TPH2: variants seen among roughly 807,000 people sequenced by gnomAD.
TPH2 encodes tryptophan 5-hydroxylase 2.
In TPH2, 27 loss-of-function variants were observed where a neutral mutation model predicts 59.1. The observed-to-expected ratio is 0.46, with a 90% confidence interval of 0.34 to 0.63. TPH2 has a LOEUF of 0.63. TPH2 is among the 30% of genes least tolerant of loss of function. TPH2 has a pLI of 0.01. For missense variants in TPH2, 523 were observed against 588.3 expected, an observed-to-expected ratio of 0.89 and a Z score of 1.15; for synonymous variants, 220 against 210.5, an observed-to-expected ratio of 1.05 and a Z score of -0.39.
At chr12:71,966,832 A>C (rs530203341) in intron 5 of TPH2, among the ~76,000 whole-genome samples, 1 of 152,260 alleles carries the variant, frequency 6.6e-6, no homozygotes, top group South Asian at 2.1e-4. Context: ...GCTTCCCCAC[A>C]CTGAAGTTCT....
At chr12:71,996,226 A>G (rs1358666404) in intron 8 of TPH2, among the ~76,000 whole-genome samples, 1 of 152,194 alleles carries the variant, frequency 6.6e-6, no homozygotes, top group African/African-American at 2.4e-5. Context: ...TAAGCTACTT[A>G]TGACATAGCC....
In TPH2 at chr12:72,020,186, T is replaced by C. The variant is rs908028836; in HGVS notation, c.1069-2213T>C. 3.3e-5 allele frequency among the ~76,000 whole-genome samples: 5 copies of C among 152,274 alleles called. No homozygotes were observed. The East Asian group carries it at 5.8e-4, about 18-fold the overall frequency. On this transcript the variant is annotated intron_variant, in intron 8 of 10. Coordinates refer to ENST00000333850, the MANE Select transcript of TPH2 (RefSeq NM_173353.4). ...GGGAGTGCTACTGGCACCTAGTTAGTAGAGGCTAGAGATGCTGCTAAACAT... is the reference window on the plus strand; with the variant it reads ...GGGAGTGCTACTGGCACCTAGTTAGCAGAGGCTAGAGATGCTGCTAAACAT...
At chr12:71,990,328 G>T (rs969752526) in intron 7 of TPH2, among the ~76,000 whole-genome samples, 1 of 152,152 alleles carries the variant, frequency 6.6e-6, no homozygotes, top group Non-Finnish European at 1.5e-5. Flanking sequence ...CAGCGCAGTG[G>T]CATTTGCACT....
At position 71,944,311 on chromosome 12, in the gene TPH2, G is replaced by C; in HGVS notation, c.273G>C (p.Met91Ile). 6.2e-7 allele frequency: 1 copy of C among 1,613,770 alleles called. No individual in the cohort carries two copies. Among genetic ancestry groups the C allele is most frequent in the Admixed American group, 1.7e-5 (1 of 59,968 alleles). Reference protein sequence around the residue: ...LRLFQEKRVNMVHIESRKSRR... With the variant: ...LRLFQEKRVNIVHIESRKSRR... Reference sequence around the variant, plus strand: ...TTCCACAGGAAAAACGTGTCAACATGGTTCATATTGAATCCAGGAAATCTC... The same window carrying C: ...TTCCACAGGAAAAACGTGTCAACATCGTTCATATTGAATCCAGGAAATCTC... Residue 91 changes from methionine (M) to isoleucine (I), a missense_variant, in exon 3 of 11, where the codon ATG becomes ATC. Transcript: ENST00000333850.
chr12:71,965,166 T>C (rs901423832), intron 5 of TPH2: 2 of 152,236 alleles, frequency 1.3e-5, no homozygotes, highest in African/African-American at 4.8e-5. Flanking sequence ...GTACCACATT[T>C]TTCTCATGCA....
intron 7 of TPH2, among the ~76,000 whole-genome samples, chr12:71,981,520 G>C (rs1445471772): frequency 6.6e-6 from 1 of 152,146 alleles, no homozygotes; most frequent in Non-Finnish European, 1.5e-5. Context: ...GATGAGGTCA[G>C]AGGTATAGTA....
intron 7 of TPH2, among the ~76,000 whole-genome samples, chr12:71,983,714 G>C (rs1872351407): frequency 6.6e-6 from 1 of 151,906 alleles, no homozygotes; most frequent in Non-Finnish European, 1.5e-5. Flanking sequence ...TGTGGATCAG[G>C]AATGGAGAGT....
At chr12:72,012,029 G>A (rs1873110540) in intron 8 of TPH2, among the ~76,000 whole-genome samples, 1 of 152,224 alleles carries the variant, frequency 6.6e-6, no homozygotes, top group Admixed American at 6.5e-5. Flanking sequence ...TCACTCAGAA[G>A]GCTGACATTG....
chr12:71,984,475 C>T lies in TPH2; in HGVS notation c.941+5388C>T, dbSNP rs79188537. Among the ~76,000 whole-genome samples, 369 of 152,246 alleles carry T rather than the reference C, an allele frequency of 2.4e-3. 8 individuals carry two copies. The East Asian group carries it at 0.048, about 20-fold the overall frequency. On this transcript the variant is annotated intron_variant, in intron 7 of 10. Transcript: ENST00000333850. ...CCAACTTTTCCTCCTTGTTCCCACT[C>T]GAGAGGTTCTGGGACTTGGGCCCTG...
chr12:71,958,953 G>T (rs1871596675), intron 5 of TPH2, among the ~76,000 whole-genome samples: 1 of 152,144 alleles, frequency 6.6e-6, no homozygotes, highest in Non-Finnish European at 1.5e-5. Context: ...CAATTTGGGT[G>T]AGCTTGTGAA....
intron 7 of TPH2, among the ~76,000 whole-genome samples, chr12:71,994,180 G>A (rs1391466936): frequency 6.6e-6 from 1 of 152,114 alleles, no homozygotes; most frequent in Admixed American, 6.5e-5. Context: ...CATGTACTTG[G>A]TATATAGTAA....
chr12:72,015,845 C>T (rs908668887), intron 8 of TPH2, among the ~76,000 whole-genome samples: 4 of 151,816 alleles, frequency 2.6e-5, no homozygotes, highest in African/African-American at 7.3e-5. Context: ...GGGGAGGGTG[C>T]GGGGGATGAA....
At chr12:71,974,447 C>A (rs1027332621) in intron 6 of TPH2, among the ~76,000 whole-genome samples, 4 of 152,144 alleles carry the variant, frequency 2.6e-5, no homozygotes, top group Non-Finnish European at 5.9e-5. Flanking sequence ...GGCTCGTGGA[C>A]TCTTCTTTGC....
intron 7 of TPH2, among the ~76,000 whole-genome samples, chr12:71,984,051 G>A (rs1872363349): frequency 6.6e-6 from 1 of 152,044 alleles, no homozygotes; most frequent in South Asian, 2.1e-4. Flanking sequence ...CTTTTCTGCC[G>A]GCATCACTTT....
intron 5 of TPH2, among the ~76,000 whole-genome samples, chr12:71,951,497 G>A (rs1871344762): frequency 6.6e-6 from 1 of 152,136 alleles, no homozygotes; most frequent in Admixed American, 6.5e-5. Flanking sequence ...GTGCCACCAT[G>A]CCCAGCTAAT....
Position 71,987,776 on chromosome 12 carries a change from C to T in TPH2, c.942-6663C>T, listed in dbSNP as rs149512864. Reference sequence around the variant, plus strand: ...CTGAGGCAGGAGAATCGCTTGAACCCGGGAGGCGGAGCTTGCAGTGAGCCG... The same window carrying T: ...CTGAGGCAGGAGAATCGCTTGAACCTGGGAGGCGGAGCTTGCAGTGAGCCG... On this transcript the variant is annotated intron_variant, in intron 7 of 10. Coordinates refer to ENST00000333850, the MANE Select transcript of TPH2 (RefSeq NM_173353.4). Among the ~76,000 whole-genome samples, 588 of 152,178 alleles carry T rather than the reference C, an allele frequency of 3.9e-3. 15 individuals carry two copies. The South Asian group carries it at 0.066, about 17-fold the overall frequency.
At chr12:72,027,532 G>C (rs1381603740) in intron 9 of TPH2, among the ~76,000 whole-genome samples, 1 of 152,214 alleles carries the variant, frequency 6.6e-6, no homozygotes. Context: ...ACGTAGTTAG[G>C]TAGAGATGGA....
chr12:72,020,945 A>T (rs1176511200), intron 8 of TPH2, among the ~76,000 whole-genome samples: 1 of 152,190 alleles, frequency 6.6e-6, no homozygotes, highest in Non-Finnish European at 1.5e-5. Flanking sequence ...CTCACATCAA[A>T]AAAATATATA....
rs556006391 is a variant in TPH2 at position 71,949,457 on chromosome 12, T to C, written c.541-131T>C. On this transcript the variant is annotated intron_variant, in intron 4 of 10. Coordinates refer to ENST00000333850, the MANE Select transcript of TPH2 (RefSeq NM_173353.4). Reference sequence around the variant, plus strand: ...GCACAATTTGTTTCTGTCTGTGTCATCAAGATGGCCATCCTAGGATAAGAT... The same window carrying C: ...GCACAATTTGTTTCTGTCTGTGTCACCAAGATGGCCATCCTAGGATAAGAT... 2.9e-5 allele frequency: 21 copies of C among 729,720 alleles called. No homozygotes were observed. In the East Asian group the frequency reaches 5.6e-4, roughly 19 times the overall value. 45.2% of individuals were successfully genotyped at this position (729,720 alleles called of 1,614,324 possible).
Sources: allele counts gnomAD v4.1 joint callset (sites outside exome capture counted in the v4.1 genomes callset), GRCh38; gene constraint gnomAD v4.1.1; transcripts MANE v1.5; gene names NCBI Gene and HGNC (gene_info 2026-07-23, HGNC 2026-07-21).